The following TASP1 variants were observed in gnomAD, a reference collection of about 807,000 sequenced individuals.
The protein encoded by TASP1 is taspase 1.
TASP1 carries 16 observed loss-of-function variants against 56.6 expected under a neutral mutation model. The observed-to-expected ratio is 0.28, with a 90% CI of 0.19 to 0.43. TASP1 has a LOEUF of 0.43. Among genes scored for constraint, TASP1 ranks in the 20% least tolerant of loss-of-function variants. The pLI is 1.00. For missense variants in TASP1, 393 were observed against 511.6 expected (o/e 0.77, Z 2.24); for synonymous variants, 179 against 184.2 (o/e 0.97, Z 0.23).
At chr20:13,572,377 C>A (rs553254564) in intron 6 of TASP1, among the ~76,000 whole-genome samples, 1 of 152,112 alleles carries the variant, frequency 6.6e-6, no homozygotes, top group African/African-American at 2.4e-5. Flanking sequence ...GAAACCACCA[C>A]GGAGGTGAGG....
At chr20:13,509,999 T>C (rs955211358) in intron 10 of TASP1, among the ~76,000 whole-genome samples, 49 of 152,152 alleles carry the variant, frequency 3.2e-4, no homozygotes, top group Admixed American at 2.9e-3. Context: ...GCTTATTACC[T>C]GGGTGATGAA....
intron 7 of TASP1, among the ~76,000 whole-genome samples, chr20:13,565,342 A>G (rs912645545): frequency 6.6e-6 from 1 of 152,134 alleles, no homozygotes; most frequent in African/African-American, 2.4e-5. Flanking sequence ...CACAGACAAT[A>G]AAAGAAAAAA....
chr20:13,138,531 C>T, the TASP1 span, among the ~76,000 whole-genome samples: 2 of 152,132 alleles, frequency 1.3e-5, no homozygotes, highest in Non-Finnish European at 2.9e-5. Context: ...TTTAATTGCA[C>T]CTTAAGCATC....
At chr20:13,318,741 A>G in the TASP1 span, among the ~76,000 whole-genome samples, 1 of 152,174 alleles carries the variant, frequency 6.6e-6, no homozygotes, top group African/African-American at 2.4e-5. Flanking sequence ...ATATTTTTTG[A>G]AACTCAGTGA....
the TASP1 span, among the ~76,000 whole-genome samples, chr20:13,229,160 T>C: frequency 2.0e-5 from 3 of 152,124 alleles, no homozygotes; most frequent in African/African-American, 7.2e-5. Context: ...CTTTCTGCAT[T>C]TTTTAAAGTT....
chr20:13,188,490 T>C, the TASP1 span, among the ~76,000 whole-genome samples: 2 of 152,198 alleles, frequency 1.3e-5, no homozygotes, highest in East Asian at 1.9e-4. Flanking sequence ...AGGTGAAATA[T>C]CTCTACAATA....
chr20:13,386,300 T>G (rs971863642), downstream of TASP1, among the ~76,000 whole-genome samples: 3 of 152,172 alleles, frequency 2.0e-5, no homozygotes, highest in Non-Finnish European at 2.9e-5. Context: ...ATAGCACCAT[T>G]TTTTGTGTTA....
the TASP1 span, chr20:13,299,185 C>T: frequency 1.1e-5 from 17 of 1,606,440 alleles, no homozygotes; most frequent in Non-Finnish European, 1.4e-5. This position sits in a 1 kb window ranked among gnomAD's most constrained non-coding sequence, Gnocchi z 5.8. Flanking sequence ...TCCATGCTGT[C>T]CCTGGAGAGC....
the TASP1 span, among the ~76,000 whole-genome samples, chr20:13,345,049 T>G: frequency 6.6e-6 from 1 of 152,014 alleles, no homozygotes; most frequent in Non-Finnish European, 1.5e-5. Flanking sequence ...TTTACACACA[T>G]TCACTAGGCT....
the TASP1 span, among the ~76,000 whole-genome samples, chr20:13,245,915 G>A: frequency 0.039 from 5,945 of 152,060 alleles, 187 homozygotes; most frequent in African/African-American, 0.077. Flanking sequence ...CCTTGTACCC[G>A]CCCACTCCGA....
At chr20:13,564,645 CAAAA>C (rs1042415517) in intron 7 of TASP1, among the ~76,000 whole-genome samples, 1 of 146,614 alleles carries the variant, frequency 6.8e-6, no homozygotes, top group African/African-American at 2.5e-5. Context: ...ATCTTGGAAA[CAAAA>C]AAAAAGTTGG....
the TASP1 span, among the ~76,000 whole-genome samples, chr20:13,310,025 C>A: frequency 6.6e-6 from 1 of 152,242 alleles, no homozygotes; most frequent in East Asian, 1.9e-4. Context: ...CCAAAGCAAT[C>A]TACAAATTCG....
chr20:13,246,948 G>A, the TASP1 span, among the ~76,000 whole-genome samples: 772 of 141,396 alleles, frequency 5.5e-3, 8 homozygotes, highest in Middle Eastern at 0.018. Flanking sequence ...ATATATATAT[G>A]TATAGTGCCG....
chr20:13,492,954 CAT>C (rs2043590106), intron 10 of TASP1, among the ~76,000 whole-genome samples: 1 of 152,062 alleles, frequency 6.6e-6, no homozygotes, highest in African/African-American at 2.4e-5. Flanking sequence ...CGGTGCTAGA[CAT>C]ATAGTACATA....
chr20:13,462,988 A>G (rs1024749254), intron 11 of TASP1, among the ~76,000 whole-genome samples: 76 of 152,288 alleles, frequency 5.0e-4, no homozygotes, highest in African/African-American at 1.7e-3. Flanking sequence ...TCAAATTCCC[A>G]GTGGCAATTT....
chr20:13,295,215 CCTG>C, the TASP1 span, among the ~76,000 whole-genome samples: 1 of 152,300 alleles, frequency 6.6e-6, no homozygotes, highest in East Asian at 1.9e-4. Flanking sequence ...TCTGATCCCA[CCTG>C]CTGTTTCCTC....
At chr20:13,491,805 T>G (rs1214795704) in intron 10 of TASP1, among the ~76,000 whole-genome samples, 1 of 152,184 alleles carries the variant, frequency 6.6e-6, no homozygotes, top group Non-Finnish European at 1.5e-5. Context: ...AATGTAGTAG[T>G]AGCAGCAGTG....
chr20:13,576,326 A>G (rs1206126945), intron 6 of TASP1, among the ~76,000 whole-genome samples: 1 of 139,258 alleles, frequency 7.2e-6, no homozygotes, highest in African/African-American at 2.7e-5. Flanking sequence ...AAGAAAGAAA[A>G]GAGAAAGAAA....
At chr20:13,527,638 A>C (rs1026972785) in intron 10 of TASP1, among the ~76,000 whole-genome samples, 1 of 152,106 alleles carries the variant, frequency 6.6e-6, no homozygotes, top group East Asian at 1.9e-4. Context: ...ACATACGCAC[A>C]CACACACTTT....
Sources: gnomAD v4.1 joint callset for allele counts (sites outside exome capture counted in the v4.1 genomes callset) on GRCh38, gnomAD v4.1.1 for gene constraint, Gnocchi (gnomAD v3.1) non-coding constraint, MANE v1.5 for transcripts, NCBI Gene and HGNC (gene_info 2026-07-23, HGNC 2026-07-21) for gene names.